Variants in AKAP6 observed in about 807,000 individuals in gnomAD.
AKAP6 encodes A-kinase anchor protein 6.
AKAP6 carries 58 observed loss-of-function variants against 188.5 expected under a neutral mutation model. The observed-to-expected ratio is 0.31, with a 90% CI of 0.25 to 0.38. The LOEUF is 0.38. Ranked by LOEUF, AKAP6 falls within the 10% of genes least tolerant of loss-of-function variation. The probability of loss-of-function intolerance (pLI) is 1.00; values close to 1 mark genes in which losing one functional copy is unlikely to be tolerated. For synonymous variants in AKAP6, 989 were observed against 998.6 expected, an observed-to-expected ratio of 0.99 and a Z score of 0.18; for missense variants, 2,710 against 2,740.0, an observed-to-expected ratio of 0.99 and a Z score of 0.24.
rs752722699 is a variant in AKAP6, at chr14:32,822,334, A to C, written c.4521A>C (p.Lys1507Asn). ...TTCGTGGTTTTTATTTTGATAAAAA[A>C]TCATGCAAATCTAAACATCAGACTA... Reference protein sequence around the residue: ...PLLRGFYFDKKSCKSKHQTTE... With the variant: ...PLLRGFYFDKNSCKSKHQTTE... Residue 1507 changes from lysine (K) to asparagine (N), a missense_variant, in exon 13 of 14, where the codon AAA becomes AAC. By Grantham distance (94) the Lys-to-Asn change is moderately conservative. Around this residue, in one of 2 missense-constraint regions of AKAP6, gnomAD observed 2,473 missense variants for 2,426.1 expected, o/e 1.02. Coordinates refer to ENST00000280979, the MANE Select transcript of AKAP6 (RefSeq NM_004274.5). 6.2e-7 allele frequency: 1 copy of C among 1,614,014 alleles called. No individual in the cohort carries two copies. Among genetic ancestry groups the C allele is most frequent in the East Asian group, 2.2e-5 (1 of 44,884 alleles).
intron 12 of AKAP6, among the ~76,000 whole-genome samples, chr14:32,786,057 ACAC>A (rs2033390744): frequency 1.3e-5 from 2 of 152,080 alleles, no homozygotes; most frequent in African/African-American, 4.8e-5. Flanking sequence ...ACAACTGAGG[ACAC>A]CACTGCCATT....
At chr14:32,649,420 T>C (rs539166007) in intron 7 of AKAP6, among the ~76,000 whole-genome samples, 1 of 152,282 alleles carries the variant, frequency 6.6e-6, no homozygotes, top group East Asian at 1.9e-4. Context: ...TGTATGCCGA[T>C]TGGCAGGAGA....
chr14:32,562,509 G>A (rs1464073212), intron 4 of AKAP6, among the ~76,000 whole-genome samples: 1 of 152,182 alleles, frequency 6.6e-6, no homozygotes, highest in Admixed American at 6.5e-5. Flanking sequence ...TGTAATCTCA[G>A]CACTTTGGGA....
rs930799473 is a variant in AKAP6 at position 32,837,266 on chromosome 14, A to G, written c.*7461A>G. On this transcript the variant is annotated 3_prime_UTR_variant, in exon 14 of 14. Coordinates refer to ENST00000280979, the MANE Select transcript of AKAP6 (RefSeq NM_004274.5). ...TAAAAATATGATGTAATAAGAAACA[A>G]TCCTGAAATTATTAAAACATTTCTT... 1.3e-5 allele frequency: 2 copies of G among 152,210 alleles called. No homozygotes were observed. Among genetic ancestry groups the G allele is most frequent in the East Asian group, 1.9e-4 (1 of 5,200 alleles). The allele number at this position is 152,210 out of a possible 1,614,324, so 9.4% of individuals were successfully genotyped here. A position where few individuals can be genotyped will look rare whatever the true frequency, so the allele number is the denominator to read the frequency against.
chr14:32,631,046 T>G (rs1248106205), intron 7 of AKAP6, among the ~76,000 whole-genome samples: 1 of 152,032 alleles, frequency 6.6e-6, no homozygotes, highest in African/African-American at 2.4e-5. Context: ...AGATTTAAAT[T>G]AGATCAAGAT....
rs771277677 is a variant in AKAP6, at chr14:32,834,977, CAT to C, written c.*5173_*5174del. 3.3e-5 allele frequency: 5 copies of C among 152,174 alleles called. No individual in the cohort carries two copies. Among genetic ancestry groups the C allele is most frequent in the African/African-American group, 4.8e-5 (2 of 41,456 alleles). The allele number at this position is 152,174 out of a possible 1,614,324, so 9.4% of individuals were successfully genotyped here. On this transcript the variant is annotated 3_prime_UTR_variant, in exon 14 of 14. Transcript: ENST00000280979. ...AGTTAAACAAAAGAATACTTCATGA[CAT>C]GTGAAAATCATATGAAATTTAAATT... is the stretch of plus-strand genomic sequence containing the variant.
At chr14:32,469,017 G>T (rs1281777217) in intron 2 of AKAP6, among the ~76,000 whole-genome samples, 2 of 152,188 alleles carry the variant, frequency 1.3e-5, no homozygotes, top group Non-Finnish European at 2.9e-5. Context: ...TATTGGAAGA[G>T]GTATTAACTA....
chr14:32,545,142 G>C, intron 3 of AKAP6, 88 bp from the exon 4 acceptor site: 1 of 1,280,054 alleles, frequency 7.8e-7, no homozygotes, highest in Non-Finnish European at 1.1e-6. Context: ...GACCTTTATA[G>C]TGCCCTGTAC....
intron 1 of AKAP6, among the ~76,000 whole-genome samples, chr14:32,383,714 C>A (rs542153052): frequency 2.8e-4 from 43 of 152,302 alleles, no homozygotes; most frequent in South Asian, 1.0e-3. Flanking sequence ...TCTCAGTTTT[C>A]TTGGGCCTCT....
chr14:32,358,139 G>A (rs10136107), intron 1 of AKAP6, among the ~76,000 whole-genome samples: 56,239 of 152,028 alleles, frequency 0.37, 11,448 homozygotes, highest in African/African-American at 0.55. Flanking sequence ...AAGTATTAAA[G>A]CCTCAAGGGT....
chr14:32,553,121 G>A (rs181004349), intron 4 of AKAP6, among the ~76,000 whole-genome samples: 41 of 151,006 alleles, frequency 2.7e-4, no homozygotes, highest in African/African-American at 9.5e-4. Flanking sequence ...GACTAATTTT[G>A]TAAAACAAAA....
chr14:32,335,747 T>G (rs1886669492), intron 1 of AKAP6, among the ~76,000 whole-genome samples: 2 of 152,020 alleles, frequency 1.3e-5, no homozygotes, highest in African/African-American at 2.4e-5. Context: ...TACTACTTGA[T>G]TACTTTTATC....
At chr14:32,577,290 A>G in intron 5 of AKAP6, 48 bp downstream of exon 5, 1 of 1,585,690 alleles carries the variant, frequency 6.3e-7, no homozygotes, top group South Asian at 1.2e-5. Flanking sequence ...AAGGATTTTA[A>G]TGTACTGCTT....
At chr14:32,513,369 AAC>A (rs1327048245) in intron 2 of AKAP6, among the ~76,000 whole-genome samples, 3 of 152,216 alleles carry the variant, frequency 2.0e-5, no homozygotes, top group Non-Finnish European at 4.4e-5. Flanking sequence ...AATCAGAGCA[AAC>A]ACAGTTAATA....
intron 12 of AKAP6, among the ~76,000 whole-genome samples, chr14:32,778,935 AAG>A (rs1160565432): frequency 1.3e-5 from 2 of 152,104 alleles, no homozygotes; most frequent in Non-Finnish European, 2.9e-5. Context: ...ATAAAAGAAA[AAG>A]AATAAAAAAT....
At chr14:32,780,157 C>CCATATATATATATATATATATAT (rs142218168) in intron 12 of AKAP6, among the ~76,000 whole-genome samples, 1 of 119,346 alleles carries the variant, frequency 8.4e-6, no homozygotes, top group African/African-American at 3.2e-5. Flanking sequence ...AAAAAAAAAA[C>CCATATATATATATATATATATAT]ATATATATAT....
chr14:32,776,598 T>C (rs2033073748), intron 12 of AKAP6, among the ~76,000 whole-genome samples: 1 of 152,224 alleles, frequency 6.6e-6, no homozygotes, highest in Non-Finnish European at 1.5e-5. Context: ...GGTCTACAAA[T>C]AAGTATTTGC....
At chr14:32,791,916 A>G (rs942206787) in intron 12 of AKAP6, among the ~76,000 whole-genome samples, 1 of 152,132 alleles carries the variant, frequency 6.6e-6, no homozygotes, top group Non-Finnish European at 1.5e-5. Flanking sequence ...GGTTTGTCCA[A>G]GATCAGATGG....
At chr14:32,380,146 C>T (rs1888302714) in intron 1 of AKAP6, among the ~76,000 whole-genome samples, 1 of 152,210 alleles carries the variant, frequency 6.6e-6, no homozygotes, top group South Asian at 2.1e-4. Context: ...TCTCTAGCTC[C>T]TTTTCTATCC....
Sources: gnomAD v4.1 joint callset for allele counts (sites outside exome capture counted in the v4.1 genomes callset) on GRCh38, gnomAD v4.1.1 for gene constraint, gnomAD v4.1.1 regional missense constraint, MANE v1.5 for transcripts, NCBI Gene and HGNC (gene_info 2026-07-23, HGNC 2026-07-21) for gene names.